Variants in GNB4 observed in about 807,000 individuals in gnomAD.
GNB4 encodes G protein subunit beta 4, also known as guanine nucleotide-binding protein subunit beta-4.
In GNB4, 28 loss-of-function variants were observed where a neutral mutation model predicts 45.2. The ratio of observed to expected loss-of-function variants is 0.62; its 90% CI spans 0.46 to 0.85. The LOEUF (loss-of-function observed/expected upper bound fraction) is 0.85. GNB4 is among the 40% of genes least tolerant of loss of function. The probability of loss-of-function intolerance (pLI) is 0.00; values close to 1 mark genes in which losing one functional copy is unlikely to be tolerated. For synonymous variants in GNB4, 132 were observed against 143.7 expected (o/e 0.92, Z 0.58); for missense variants, 321 against 425.4 (o/e 0.75, Z 2.16).
At chr3:179,464,606 C>T in the GNB4 span, 1 of 1,321,628 alleles carries the variant, frequency 7.6e-7, no homozygotes, top group Non-Finnish European at 1.1e-6. Flanking sequence ...ACGTCCTCAA[C>T]AAAACCAGGG....
chr3:179,478,722 T>G, the GNB4 span, among the ~76,000 whole-genome samples: 1 of 152,136 alleles, frequency 6.6e-6, no homozygotes, highest in African/African-American at 2.4e-5. Context: ...ATGGTTTGGA[T>G]CTGTGTCCCC....
At chr3:179,439,784 C>T (rs1035924310) in intron 1 of GNB4, among the ~76,000 whole-genome samples, 2 of 152,204 alleles carry the variant, frequency 1.3e-5, no homozygotes, top group African/African-American at 4.8e-5. Flanking sequence ...CAATATCCTG[C>T]CCTTTCTCCT....
chr3:179,485,113 C>T, the GNB4 span, among the ~76,000 whole-genome samples: 2 of 151,080 alleles, frequency 1.3e-5, no homozygotes, highest in East Asian at 1.9e-4. Context: ...CAGGATCACG[C>T]CATTCTCCTG....
Position 179,414,919 on chromosome 3 carries a change from AT to A in GNB4, c.395del (p.Asn132MetfsTer2). On this transcript the variant is annotated frameshift_variant, in exon 6 of 10. Coordinates refer to ENST00000232564, the MANE Select transcript of GNB4 (RefSeq NM_021629.4). LOFTEE classifies it high-confidence loss of function. ...SIYNLKTREG[N>X]VRVSRELPGH... ...CTGGCAACTCTCGGCTTACTCTCACATTTCCCTCTCTGGTCTTTAAGTTATA... is the reference window on the plus strand; with the variant it reads ...CTGGCAACTCTCGGCTTACTCTCACATTCCCTCTCTGGTCTTTAAGTTATA... 6.2e-7 allele frequency: 1 copy of A among 1,603,088 alleles called. No individual in the cohort carries two copies.
chr3:179,437,527 C>T (rs1032039040), intron 1 of GNB4, among the ~76,000 whole-genome samples: 1 of 151,646 alleles, frequency 6.6e-6, no homozygotes, highest in Non-Finnish European at 1.5e-5. Flanking sequence ...GATTGCACAA[C>T]TGCACTCCTG....
At chr3:179,451,250 C>A (rs1047534367) in intron 1 of GNB4, 96 bp downstream of exon 1, 1 of 151,590 alleles carries the variant, frequency 6.6e-6, no homozygotes, top group Non-Finnish European at 1.5e-5. Flanking sequence ...CCCCGTTCCG[C>A]AGGGGTGGCT....
rs532941745 is a variant in GNB4, at chr3:179,418,236, G to A, written c.203+1163C>T. Reference sequence around the variant, plus strand: ...ATTAATCCCAGCACTTTGGGAGGCTGAGGCGGTTGGATCACCTGAGGTCAG... The same window carrying A: ...ATTAATCCCAGCACTTTGGGAGGCTAAGGCGGTTGGATCACCTGAGGTCAG... On this transcript the variant is annotated intron_variant, in intron 4 of 9. Transcript: ENST00000232564. 2.0e-4 allele frequency among the ~76,000 whole-genome samples: 31 copies of A among 152,130 alleles called. No homozygotes were observed. The Middle Eastern group carries it at 0.017, about 83-fold the overall frequency.
At chr3:179,429,825 C>G (rs1715253145) in intron 1 of GNB4, among the ~76,000 whole-genome samples, 1 of 152,152 alleles carries the variant, frequency 6.6e-6, no homozygotes, top group Admixed American at 6.6e-5. Context: ...TACCTGGCAA[C>G]CCTGCACAGC....
chr3:179,459,205 T>C, the GNB4 span, among the ~76,000 whole-genome samples: 4 of 152,176 alleles, frequency 2.6e-5, no homozygotes, highest in Non-Finnish European at 5.9e-5. Flanking sequence ...GCTACCACAG[T>C]AGCTAGACAA....
At chr3:179,491,123 C>T in the GNB4 span, among the ~76,000 whole-genome samples, 9 of 152,024 alleles carry the variant, frequency 5.9e-5, no homozygotes, top group Admixed American at 5.2e-4. Flanking sequence ...AACAAATAGA[C>T]AGAAATTCTC....
At chr3:179,518,800 G>A in the GNB4 span, among the ~76,000 whole-genome samples, 2 of 152,192 alleles carry the variant, frequency 1.3e-5, no homozygotes, top group African/African-American at 4.8e-5. Flanking sequence ...CAGCAACCCT[G>A]AGATGCTTTA....
At chr3:179,495,826 T>C in the GNB4 span, among the ~76,000 whole-genome samples, 1 of 152,108 alleles carries the variant, frequency 6.6e-6, no homozygotes, top group Non-Finnish European at 1.5e-5. Context: ...TGTTAAAAGA[T>C]AAAATTTCAA....
the GNB4 span, among the ~76,000 whole-genome samples, chr3:179,505,316 A>G: frequency 0.75 from 113,975 of 152,118 alleles, 43,115 homozygotes; most frequent in East Asian, 0.98. Flanking sequence ...TAAAGCTTGG[A>G]TTTTGATAAA....
At chr3:179,506,611 G>A in the GNB4 span, among the ~76,000 whole-genome samples, 1 of 152,102 alleles carries the variant, frequency 6.6e-6, no homozygotes, top group African/African-American at 2.4e-5. Context: ...AAACTTGAAC[G>A]AACTTAGTTC....
the GNB4 span, among the ~76,000 whole-genome samples, chr3:179,506,491 AC>A: frequency 1.4e-4 from 22 of 152,350 alleles, no homozygotes; most frequent in South Asian, 4.1e-4. Flanking sequence ...AAAAATACAA[AC>A]AAAAGGGAGG....
chr3:179,400,660 T>G lies in GNB4; in HGVS notation c.*553A>C, dbSNP rs1714268228. On this transcript the variant is annotated 3_prime_UTR_variant, in exon 10 of 10. Transcript: ENST00000232564. Reference sequence around the variant, plus strand: ...ATGGCAAATGATGCATGAGAAACAATGAACTCCCCTCAGAGGTGCCCCACC... The same window carrying G: ...ATGGCAAATGATGCATGAGAAACAAGGAACTCCCCTCAGAGGTGCCCCACC... 1 of 152,272 alleles carries G rather than the reference T, an allele frequency of 6.6e-6. No individual in the cohort carries two copies. The highest frequency in any genetic ancestry group is 2.1e-4 in the South Asian group (1 of 4,832). 9.4% of individuals were successfully genotyped at this position (152,272 alleles called of 1,614,324 possible).
chr3:179,524,546 G>A, the GNB4 span, among the ~76,000 whole-genome samples: 56 of 151,916 alleles, frequency 3.7e-4, no homozygotes, highest in Non-Finnish European at 7.1e-4. Context: ...CCTTGAAGGC[G>A]AGGTGAATTA....
intron 5 of GNB4, among the ~76,000 whole-genome samples, chr3:179,416,124 C>A (rs190619003): frequency 6.6e-6 from 1 of 151,912 alleles, no homozygotes; most frequent in African/African-American, 2.4e-5. Flanking sequence ...GTGCCTGGAG[C>A]GGGCCAAAGA....
chr3:179,515,650 C>T, the GNB4 span, among the ~76,000 whole-genome samples: 5 of 152,098 alleles, frequency 3.3e-5, no homozygotes, highest in African/African-American at 1.2e-4. Context: ...ACATGCAGGT[C>T]ACAGGGGATA....
Sources: allele counts gnomAD v4.1 joint callset (sites outside exome capture counted in the v4.1 genomes callset), GRCh38; gene constraint gnomAD v4.1.1; transcripts MANE v1.5; gene names NCBI Gene and HGNC (gene_info 2026-07-23, HGNC 2026-07-21).